DYNC2H1: variants seen among roughly 807,000 people sequenced by gnomAD.
DYNC2H1 encodes the protein cytoplasmic dynein 2 heavy chain 1.
DYNC2H1 carries 410 observed loss-of-function variants against 570.0 expected under a neutral mutation model. The observed-to-expected ratio is 0.72, with a 90% CI of 0.66 to 0.78. The LOEUF (loss-of-function observed/expected upper bound fraction) is 0.78. Among genes scored for constraint, DYNC2H1 ranks in the 30% least tolerant of loss-of-function variants. DYNC2H1 has a pLI of 0.00. For synonymous variants in DYNC2H1, 1,688 were observed against 1,677.6 expected, an observed-to-expected ratio of 1.01 and a Z score of -0.15; for missense variants, 4,865 against 5,046.4, an observed-to-expected ratio of 0.96 and a Z score of 1.09.
In DYNC2H1 at chr11:103,113,277, G is replaced by C. The variant is rs113292547; in HGVS notation, c.196-260G>C. 7.1e-3 allele frequency among the ~76,000 whole-genome samples: 1,084 copies of C among 152,156 alleles called. 9 individuals carry two copies. Among genetic ancestry groups the C allele is most frequent in the African/African-American group, 0.025 (1,024 of 41,534 alleles). On this transcript the variant is annotated intron_variant, in intron 1 of 88. Coordinates refer to ENST00000375735, the MANE Select transcript of DYNC2H1 (RefSeq NM_001377.3). ...AATGGAATCTGACTGGAATGGAATA[G>C]TTAGCAGTCAACAACGTATATATTG... is the stretch of plus-strand genomic sequence containing the variant.
chr11:103,300,299 G>C (rs1441080919), intron 75 of DYNC2H1, among the ~76,000 whole-genome samples: 2 of 151,814 alleles, frequency 1.3e-5, no homozygotes, highest in Non-Finnish European at 2.9e-5. Context: ...TTTTTTGAAG[G>C]AAGTGCTGTA....
At chr11:103,362,399 G>A (rs2671329) in intron 83 of DYNC2H1, among the ~76,000 whole-genome samples, 70,009 of 142,034 alleles carry the variant, frequency 0.49, 18,577 homozygotes, top group Admixed American at 0.61. Context: ...AACCACTGAA[G>A]TTTAATCTTG....
chr11:103,460,900 T>G (rs1944988756), intron 87 of DYNC2H1, among the ~76,000 whole-genome samples: 2 of 152,186 alleles, frequency 1.3e-5, no homozygotes, highest in Admixed American at 1.3e-4. Flanking sequence ...ATTAAAATAT[T>G]CACTTGTAAA....
rs1309656438 is a variant in DYNC2H1, at chr11:103,228,775, T to A, written c.9354-2485T>A. Reference sequence around the variant, plus strand: ...TTAACTCTTCAGGTTTCTCAGGCGGTGGGCAGGGCCTTAGAGCTTTCAAGA... The same window carrying A: ...TTAACTCTTCAGGTTTCTCAGGCGGAGGGCAGGGCCTTAGAGCTTTCAAGA... On this transcript the variant is annotated intron_variant, in intron 59 of 88. Transcript: ENST00000375735. This position sits in a 1 kb window ranked among gnomAD's most constrained non-coding sequence, Gnocchi z 6.1. Among the ~76,000 whole-genome samples, 1 of 152,110 alleles carries A rather than the reference T, an allele frequency of 6.6e-6. No homozygotes were observed. Among genetic ancestry groups the A allele is most frequent in the East Asian group, 1.9e-4 (1 of 5,188 alleles).
rs887216053 is a variant in DYNC2H1, at chr11:103,264,299, C to T, written c.10695+4322C>T. Among the ~76,000 whole-genome samples, 1 of 152,150 alleles carries T rather than the reference C, an allele frequency of 6.6e-6. No individual in the cohort carries two copies. The highest frequency in any genetic ancestry group is 6.5e-5 in the Admixed American group (1 of 15,270). On this transcript the variant is annotated intron_variant, in intron 70 of 88. Transcript: ENST00000375735. The surrounding 1 kb of genome is among the most constrained non-coding windows in gnomAD (Gnocchi z 4.8). ...GTACAAAGAGGAGTTGGTACCATTC[C>T]TTCTGAAACTATTCCATGCAATAGA...
chr11:103,445,027 C>T (rs1179800685), intron 85 of DYNC2H1, among the ~76,000 whole-genome samples: 3 of 152,124 alleles, frequency 2.0e-5, no homozygotes, highest in African/African-American at 7.2e-5. Flanking sequence ...AGCAGCCTGA[C>T]CAGTTAAGAG....
intron 85 of DYNC2H1, among the ~76,000 whole-genome samples, chr11:103,447,120 C>T (rs1054912436): frequency 2.0e-5 from 3 of 152,018 alleles, no homozygotes. Context: ...CCTGAGATTT[C>T]CTCCACAAGG....
At position 103,151,318 on chromosome 11, in the gene DYNC2H1, A is replaced by G. The variant is rs1860526673; in HGVS notation, c.2947-818A>G. 6.6e-6 allele frequency among the ~76,000 whole-genome samples: 1 copy of G among 152,070 alleles called. No homozygotes were observed. The highest frequency in any genetic ancestry group is 1.5e-5 in the Non-Finnish European group (1 of 68,006). On this transcript the variant is annotated intron_variant, in intron 20 of 88. Coordinates refer to ENST00000375735, the MANE Select transcript of DYNC2H1 (RefSeq NM_001377.3). The surrounding 1 kb of genome is among the most constrained non-coding windows in gnomAD (Gnocchi z 4.6). ...CGTTCTCACTATGTTGCTTAGGTTAATCTTAATCCCCTCGCCTCGGCCTCC... is the reference window on the plus strand; with the variant it reads ...CGTTCTCACTATGTTGCTTAGGTTAGTCTTAATCCCCTCGCCTCGGCCTCC...
chr11:103,318,954 T>A (rs956694965), intron 80 of DYNC2H1, among the ~76,000 whole-genome samples: 1 of 152,180 alleles, frequency 6.6e-6, no homozygotes, highest in African/African-American at 2.4e-5. Context: ...CTGTTGTTTT[T>A]AATATTTGAC....
intron 84 of DYNC2H1, among the ~76,000 whole-genome samples, chr11:103,419,762 C>G (rs1296591439): frequency 6.6e-6 from 1 of 152,070 alleles, no homozygotes; most frequent in Non-Finnish European, 1.5e-5. Context: ...ACTGCAAGGG[C>G]ACAGAACTGG....
chr11:103,178,214 T>C (rs1284296239), intron 38 of DYNC2H1, among the ~76,000 whole-genome samples: 1 of 152,184 alleles, frequency 6.6e-6, no homozygotes, highest in Non-Finnish European at 1.5e-5. Context: ...GTATTTTGAA[T>C]ACTTTTGAAA....
rs1333536771 is a variant in DYNC2H1 at position 103,220,679 on chromosome 11, A to C, written c.9003A>C (p.Ser3001=). Reference sequence around the variant, plus strand: ...GAAACATTAAGCCCGAATCACTTTCAGAAATTCGCTCACTACGCATGCCAC... The same window carrying C: ...GAAACATTAAGCCCGAATCACTTTCCGAAATTCGCTCACTACGCATGCCAC... ...AVGNIKPESL[S]EIRSLRMPPD... is the part of the protein sequence containing the mutation. The change falls in exon 57 of 89, where the codon TCA becomes TCC. Residue 3001 remains serine (S), a synonymous_variant. Transcript: ENST00000375735. 1 of 1,612,608 alleles carries C rather than the reference A, an allele frequency of 6.2e-7. No homozygotes were observed. Among genetic ancestry groups the C allele is most frequent in the Non-Finnish European group, 8.5e-7 (1 of 1,179,040 alleles).
intron 36 of DYNC2H1, among the ~76,000 whole-genome samples, chr11:103,174,731 G>A (rs1289167422): frequency 6.6e-6 from 1 of 152,012 alleles, no homozygotes; most frequent in South Asian, 2.1e-4. Flanking sequence ...TTCTTACTGC[G>A]TCATATCAGT....
chr11:103,359,172 C>T lies in DYNC2H1; in HGVS notation c.12156+813C>T, dbSNP rs1314240491. ...TGCAAAGTCCATGTTGTTTTTGCTC[C>T]ACATTTGATTTAACCTTAAAGCACA... On this transcript the variant is annotated intron_variant, in intron 83 of 88. Transcript: ENST00000375735. 3.3e-5 allele frequency among the ~76,000 whole-genome samples: 5 copies of T among 152,162 alleles called. 1 individual carries two copies. The highest frequency in any genetic ancestry group is 7.3e-5 in the Non-Finnish European group (5 of 68,030).
At chr11:103,284,685 T>C (rs1164307697) in intron 73 of DYNC2H1, among the ~76,000 whole-genome samples, 1 of 152,240 alleles carries the variant, frequency 6.6e-6, no homozygotes, top group East Asian at 1.9e-4. Context: ...CTATTTAATT[T>C]AAGTTACATA....
intron 20 of DYNC2H1, 119 bp from the exon 21 acceptor site, chr11:103,152,017 A>C (rs1860572950): frequency 1.7e-6 from 2 of 1,153,826 alleles, no homozygotes; most frequent in African/African-American, 3.1e-5. Context: ...AACTGTTTAA[A>C]TGCAAAAATC....
chr11:103,269,606 T>C (rs1865625888), intron 70 of DYNC2H1, among the ~76,000 whole-genome samples: 1 of 152,200 alleles, frequency 6.6e-6, no homozygotes, highest in Admixed American at 6.5e-5. Context: ...AAATTTAGAC[T>C]GTTAATAAAC....
chr11:103,171,956 T>C (rs1861592092), intron 34 of DYNC2H1, among the ~76,000 whole-genome samples: 1 of 152,240 alleles, frequency 6.6e-6, no homozygotes, highest in African/African-American at 2.4e-5. Context: ...TACATTAATG[T>C]CACTAGAATA....
At chr11:103,287,473 T>C (rs1453501833) in intron 74 of DYNC2H1, 60 bp from the exon 75 acceptor site, 11 of 1,278,926 alleles carry the variant, frequency 8.6e-6, no homozygotes, top group Non-Finnish European at 1.2e-5. Context: ...TTAATTATTG[T>C]TTAGTTAAAG....
Sources: allele counts gnomAD v4.1 joint callset (sites outside exome capture counted in the v4.1 genomes callset), GRCh38; gene constraint gnomAD v4.1.1; non-coding constraint Gnocchi (gnomAD v3.1); transcripts MANE v1.5; gene names NCBI Gene and HGNC (gene_info 2026-07-23, HGNC 2026-07-21).